The following CDH9 variants were observed in gnomAD, a reference collection of about 807,000 sequenced individuals.
CDH9 encodes cadherin 9, also known as cadherin-9.
In CDH9, 28 loss-of-function variants were observed where a neutral mutation model predicts 70.9. The ratio of observed to expected loss-of-function variants is 0.40; its 90% CI spans 0.29 to 0.54. The LOEUF (loss-of-function observed/expected upper bound fraction) is 0.54. Among genes scored for constraint, CDH9 ranks in the 20% least tolerant of loss-of-function variants. The probability of loss-of-function intolerance (pLI) is 0.59; values close to 1 mark genes in which losing one functional copy is unlikely to be tolerated. For missense variants in CDH9, 874 were observed against 984.4 expected (o/e 0.89, Z 1.50); for synonymous variants, 409 against 343.1 (o/e 1.19, Z -2.12).
chr5:26,927,896 A>C (rs9293249), intron 2 of CDH9, among the ~76,000 whole-genome samples: 13,664 of 151,928 alleles, frequency 0.09, 772 homozygotes, highest in African/African-American at 0.16. Flanking sequence ...CCCCCACAGC[A>C]CAAACATTTA....
chr5:26,965,800 T>G (rs1397386325), intron 2 of CDH9, among the ~76,000 whole-genome samples: 1 of 151,992 alleles, frequency 6.6e-6, no homozygotes, highest in Non-Finnish European at 1.5e-5. Flanking sequence ...TGCCCCAAGA[T>G]GTATATAGTA....
chr5:26,896,491 T>A (rs74214110), intron 7 of CDH9, among the ~76,000 whole-genome samples: 8,054 of 150,976 alleles, frequency 0.053, 266 homozygotes, highest in East Asian at 0.13. Context: ...ATGAAATGAA[T>A]TTCATTTCAT....
At chr5:27,014,659 A>T (rs114077349) in intron 1 of CDH9, among the ~76,000 whole-genome samples, 1,989 of 152,044 alleles carry the variant, frequency 0.013, 28 homozygotes, top group Non-Finnish European at 0.021. Context: ...ACATATAGAC[A>T]TATATAAATA....
chr5:26,981,608 C>T (rs1273022079), intron 2 of CDH9, among the ~76,000 whole-genome samples: 1 of 151,792 alleles, frequency 6.6e-6, no homozygotes, highest in African/African-American at 2.4e-5. Context: ...TTTATACATG[C>T]TTGCATGTAT....
rs149253485 is a variant in CDH9, at chr5:26,950,887, T to C, written c.229-34963A>G. Among the ~76,000 whole-genome samples, 964 of 152,258 alleles carry C rather than the reference T, an allele frequency of 6.3e-3. 11 individuals carry two copies. Among genetic ancestry groups the C allele is most frequent in the African/African-American group, 0.022 (907 of 41,564 alleles). On this transcript the variant is annotated intron_variant, in intron 2 of 11. Coordinates refer to ENST00000231021, the MANE Select transcript of CDH9 (RefSeq NM_016279.4). ...ATGGCACAGAGTATAAGGCAGAATA[T>C]AGAGATGTAATTTAAAAATATATAG...
chr5:26,905,831 A>T (rs770062722), intron 5 of CDH9, 128 bp downstream of exon 5: 1 of 676,266 alleles, frequency 1.5e-6, no homozygotes. Flanking sequence ...TGGTAGAGGA[A>T]TGGATTATGG....
intron 1 of CDH9, among the ~76,000 whole-genome samples, chr5:27,006,876 C>T (rs1219156401): frequency 6.6e-6 from 1 of 151,756 alleles, no homozygotes; most frequent in Non-Finnish European, 1.5e-5. Flanking sequence ...TCTTGGTGGA[C>T]AGAACAGCAG....
At chr5:26,994,513 G>GTT (rs370110644) in intron 1 of CDH9, among the ~76,000 whole-genome samples, 7 of 150,674 alleles carry the variant, frequency 4.6e-5, no homozygotes, top group African/African-American at 1.7e-4. Flanking sequence ...TTTTTTTCCT[G>GTT]TTTTTTTTGT....
At chr5:27,017,089 T>A (rs889788006) in intron 1 of CDH9, among the ~76,000 whole-genome samples, 1 of 151,916 alleles carries the variant, frequency 6.6e-6, no homozygotes, top group Non-Finnish European at 1.5e-5. Flanking sequence ...TCTTCATTGT[T>A]TGTTTTGTTG....
At chr5:26,889,637 A>G (rs891812565) in intron 9 of CDH9, among the ~76,000 whole-genome samples, 199 bp downstream of exon 9, 8 of 151,712 alleles carry the variant, frequency 5.3e-5, no homozygotes, top group Non-Finnish European at 1.5e-5. Flanking sequence ...TCCCTACTAT[A>G]TTATTGATTC....
rs868079041 is a variant in CDH9 at position 26,988,373 on chromosome 5, T to G, written c.-40A>C. On this transcript the variant is annotated 5_prime_UTR_variant, in exon 2 of 12. Transcript: ENST00000231021. ...GTGGGTTGTCAAATTCAATGTATTG[T>G]TTGTTTTTCCTAAAGAGTAAGGAGA... 6 of 1,595,118 alleles carry G rather than the reference T, an allele frequency of 3.8e-6. No homozygotes were observed. In the Middle Eastern group the frequency reaches 1.0e-3, roughly 272 times the overall value.
At chr5:26,956,031 A>G (rs549780249) in intron 2 of CDH9, among the ~76,000 whole-genome samples, 44 of 152,324 alleles carry the variant, frequency 2.9e-4, no homozygotes, top group Non-Finnish European at 5.4e-4. Flanking sequence ...GAACTGTAAG[A>G]GATACTTAGG....
intron 1 of CDH9, among the ~76,000 whole-genome samples, chr5:27,034,883 G>A (rs544304939): frequency 6.6e-6 from 1 of 151,554 alleles, no homozygotes; most frequent in Non-Finnish European, 1.5e-5. Flanking sequence ...TTTCCTCACT[G>A]TACACTCCTT....
chr5:26,960,348 T>C (rs895527929), intron 2 of CDH9, among the ~76,000 whole-genome samples: 14 of 152,022 alleles, frequency 9.2e-5, no homozygotes, highest in Non-Finnish European at 2.1e-4. Flanking sequence ...TCCCATATGC[T>C]GCTTCTAAAA....
chr5:26,989,441 T>C (rs1579497487), intron 1 of CDH9, among the ~76,000 whole-genome samples: 1 of 152,026 alleles, frequency 6.6e-6, no homozygotes, highest in Non-Finnish European at 1.5e-5. Flanking sequence ...AAAGAAGCAG[T>C]TCGGCATTTC....
chr5:26,971,705 A>G (rs1001311819), intron 2 of CDH9, among the ~76,000 whole-genome samples: 1 of 152,138 alleles, frequency 6.6e-6, no homozygotes, highest in African/African-American at 2.4e-5. Context: ...CTAAGGGGAT[A>G]GGAAACGTAA....
At chr5:26,923,847 G>A (rs989827454) in intron 2 of CDH9, among the ~76,000 whole-genome samples, 6 of 151,866 alleles carry the variant, frequency 4.0e-5, no homozygotes, top group Admixed American at 6.6e-5. Flanking sequence ...AAGAAAATTA[G>A]AAAAGTTCTT....
intron 1 of CDH9, among the ~76,000 whole-genome samples, chr5:26,997,756 G>C (rs918115650): frequency 2.0e-5 from 3 of 151,772 alleles, no homozygotes; most frequent in African/African-American, 7.3e-5. Context: ...CTGGAGTGCA[G>C]TGGTGTGATC....
rs138045439 is a variant in CDH9 at position 27,037,282 on chromosome 5, T to A, written c.-50+1181A>T. Among the ~76,000 whole-genome samples, 428 of 152,004 alleles carry A rather than the reference T, an allele frequency of 2.8e-3. 2 individuals carry two copies. Among genetic ancestry groups the A allele is most frequent in the African/African-American group, 9.6e-3 (400 of 41,524 alleles). ...ATTCATTCTTCATGCTAAAAAGATT[T>A]AGAAACCTTGTGAAAAAATCCCTAT... On this transcript the variant is annotated intron_variant, in intron 1 of 11. Coordinates refer to ENST00000231021, the MANE Select transcript of CDH9 (RefSeq NM_016279.4).
Sources: allele counts gnomAD v4.1 joint callset (sites outside exome capture counted in the v4.1 genomes callset), GRCh38; gene constraint gnomAD v4.1.1; transcripts MANE v1.5; gene names NCBI Gene and HGNC (gene_info 2026-07-23, HGNC 2026-07-21).